The following KTN1 variants were observed in gnomAD, a reference collection of about 807,000 sequenced individuals.
KTN1 encodes the protein kinectin 1, also known as kinectin.
Under a neutral mutation model 222.5 loss-of-function variants are expected in KTN1, and 130 were observed. That is an observed-to-expected ratio of 0.58 (90% CI 0.51 to 0.68). The LOEUF is 0.68. KTN1 is among the 30% of genes least tolerant of loss of function. The pLI is 0.00. For missense variants in KTN1, 1,508 were observed against 1,500.4 expected (o/e 1.01, Z -0.08); for synonymous variants, 512 against 496.3 (o/e 1.03, Z -0.42).
intron 4 of KTN1, 111 bp downstream of exon 4, chr14:55,618,245 A>C: frequency 1.3e-6 from 1 of 792,906 alleles, no homozygotes. Context: ...AAAAGAATCA[A>C]ATCCTTGTGG....
At chr14:55,671,148 C>T (rs1425284316) in intron 35 of KTN1, among the ~76,000 whole-genome samples, 2 of 152,082 alleles carry the variant, frequency 1.3e-5, no homozygotes, top group African/African-American at 4.8e-5. Context: ...TGAAGCATCC[C>T]CAAATACGTC....
rs891544746 is a variant in KTN1 at position 55,671,861 on chromosome 14, A to G, written c.3515A>G (p.His1172Arg). Reference sequence around the variant, plus strand: ...TGGAAAGTTAAGGTCGATGAATCACACAAGACTATTAAACAGGTATTTACA... The same window carrying G: ...TGGAAAGTTAAGGTCGATGAATCACGCAAGACTATTAAACAGGTATTTACA... ...NKWKVKVDES[H>R]KTIKQMQSSF... The change falls in exon 37 of 44, where the codon CAC becomes CGC. Residue 1172 changes from histidine (H) to arginine (R), a missense_variant. Coordinates refer to ENST00000395314, the MANE Select transcript of KTN1 (RefSeq NM_001079521.2). 4 of 1,586,564 alleles carry G rather than the reference A, an allele frequency of 2.5e-6. No homozygotes were observed. The highest frequency in any genetic ancestry group is 3.5e-6 in the Non-Finnish European group (4 of 1,155,134).
chr14:55,636,988 A>G (rs2041204346), intron 10 of KTN1, among the ~76,000 whole-genome samples: 1 of 152,034 alleles, frequency 6.6e-6, no homozygotes, highest in Non-Finnish European at 1.5e-5. Flanking sequence ...TCTGGGAGAT[A>G]ATGGAGTACG....
Position 55,672,931 on chromosome 14 carries a change from G to A in KTN1, c.3606G>A (p.Leu1202=). 1.2e-6 allele frequency: 2 copies of A among 1,612,026 alleles called. No homozygotes were observed. The highest frequency in any genetic ancestry group is 2.2e-5 in the South Asian group (2 of 91,018). Residue 1202 remains leucine, a splice_region_variant and synonymous_variant, in exon 39 of 44, where the codon CTG becomes CTA. Transcript: ENST00000395314. ...LRSENKDIEN[L]RREREHLEME... ...CTTTTCCTTTGTTGCATTGCTAGCT[G>A]AGAAGAGAACGAGAACATTTGGAAA...
chr14:55,640,935 T>C lies in KTN1; in HGVS notation c.1986T>C (p.Ala662=). ...QKLQALANEQ[A]AAAHELEKMQ... is the part of the protein sequence containing the mutation. ...TTTTCTTCTCATTCCACACACAGGCTGCTGCTGCACATGAATTGGAGAAGA... is the reference window on the plus strand; with the variant it reads ...TTTTCTTCTCATTCCACACACAGGCCGCTGCTGCACATGAATTGGAGAAGA... The change falls in exon 16 of 44, where the codon GCT becomes GCC. Residue 662 remains alanine, a splice_region_variant and synonymous_variant. Coordinates refer to ENST00000395314, the MANE Select transcript of KTN1 (RefSeq NM_001079521.2). 18 of 1,611,528 alleles carry C rather than the reference T, an allele frequency of 1.1e-5. No homozygotes were observed. The highest frequency in any genetic ancestry group is 1.5e-5 in the Non-Finnish European group (18 of 1,178,134).
intron 1 of KTN1, among the ~76,000 whole-genome samples, chr14:55,594,881 G>A (rs1216345826): frequency 6.6e-6 from 1 of 152,232 alleles, no homozygotes; most frequent in African/African-American, 2.4e-5. Context: ...GTAGTTGGTA[G>A]AGTGTCACTT....
chr14:55,682,019 A>T (rs1407118031), intron 43 of KTN1: 3 of 152,188 alleles, frequency 2.0e-5, no homozygotes, highest in African/African-American at 7.2e-5. Flanking sequence ...AATATATCTA[A>T]TGTCAAGAAA....
At chr14:55,677,433 C>T (rs1375984218) in intron 41 of KTN1, among the ~76,000 whole-genome samples, 21 of 145,504 alleles carry the variant, frequency 1.4e-4, no homozygotes, top group African/African-American at 4.9e-4. Flanking sequence ...GCCGAGATTA[C>T]GCTACTGCAC....
At chr14:55,585,270 T>A (rs2032738424) in intron 1 of KTN1, among the ~76,000 whole-genome samples, 1 of 152,138 alleles carries the variant, frequency 6.6e-6, no homozygotes. Context: ...CATGGAGCCT[T>A]TGGGAGCTGC....
At chr14:55,635,244 T>C (rs966442717) in intron 9 of KTN1, among the ~76,000 whole-genome samples, 3 of 152,186 alleles carry the variant, frequency 2.0e-5, no homozygotes, top group African/African-American at 7.2e-5. Context: ...AAAGACCGTT[T>C]GAAGATATGG....
At position 55,672,941 on chromosome 14, in the gene KTN1, C is replaced by T. The variant is rs138427703; in HGVS notation, c.3616C>T (p.Arg1206Ter). Residue 1206 changes from arginine (R) to a stop codon, truncating the protein, a stop_gained, in exon 39 of 44, where the codon CGA (arginine) becomes TGA (stop). Coordinates refer to ENST00000395314, the MANE Select transcript of KTN1 (RefSeq NM_001079521.2). LOFTEE classifies it high-confidence loss of function. The stretch of plus-strand genomic sequence containing the variant: ...GTTGCATTGCTAGCTGAGAAGAGAA[C>T]GAGAACATTTGGAAATGGAACTAGA... ...NKDIENLRREREHLEMELEKA... is the reference protein window; with the variant it reads ...NKDIENLRRE The T allele has an allele frequency of 6.2e-6, 10 of 1,612,504 alleles. No homozygotes were observed. The African/African-American group carries it at 9.4e-5, about 15-fold the overall frequency.
intron 7 of KTN1, among the ~76,000 whole-genome samples, chr14:55,630,744 C>T (rs77741349): frequency 0.06 from 9,192 of 152,212 alleles, 384 homozygotes; most frequent in South Asian, 0.09. Flanking sequence ...ACGCAGCAGT[C>T]GCTGGAATTA....
At chr14:55,592,111 T>C (rs1427507488) in intron 1 of KTN1, among the ~76,000 whole-genome samples, 1 of 152,244 alleles carries the variant, frequency 6.6e-6, no homozygotes, top group Non-Finnish European at 1.5e-5. Flanking sequence ...AAAATTTTAA[T>C]GTAGTTGAAT....
chr14:55,638,712 A>G (rs1449274053), intron 12 of KTN1, among the ~76,000 whole-genome samples: 1 of 151,904 alleles, frequency 6.6e-6, no homozygotes. Context: ...TTTAGTTATC[A>G]GCTGAGAAGT....
intron 18 of KTN1, among the ~76,000 whole-genome samples, chr14:55,646,464 CCTTTCCTTTCCTTT>C (rs1566788169): frequency 0.017 from 403 of 23,386 alleles, 15 homozygotes; most frequent in African/African-American, 0.039. Flanking sequence ...TTTTCCTTTT[CCTTTCCTTTCCTTT>C]CCTTTCCTTT....
chr14:55,622,808 T>A (rs1017278649), intron 5 of KTN1, among the ~76,000 whole-genome samples: 37 of 152,350 alleles, frequency 2.4e-4, no homozygotes, highest in African/African-American at 8.7e-4. Flanking sequence ...GTTATATTAC[T>A]GCTTTAAAAA....
intron 13 of KTN1, 24 bp downstream of exon 13, chr14:55,639,246 T>TA (rs1272703327): frequency 1.9e-6 from 3 of 1,552,780 alleles, no homozygotes; most frequent in African/African-American, 1.4e-5. Flanking sequence ...TTCACACTCT[T>TA]ATAATTGTGT....
At chr14:55,600,181 G>A (rs980704938) in intron 1 of KTN1, among the ~76,000 whole-genome samples, 3 of 150,660 alleles carry the variant, frequency 2.0e-5, no homozygotes, top group Non-Finnish European at 4.4e-5. Flanking sequence ...GATCATTTTA[G>A]TACTTCCATT....
chr14:55,646,984 T>A lies in KTN1; in HGVS notation c.2184T>A (p.Asp728Glu), dbSNP rs765662007. Residue 728 changes from aspartate (D) to glutamate (E), a missense_variant, in exon 19 of 44, where the codon GAT becomes GAA. Coordinates refer to ENST00000395314, the MANE Select transcript of KTN1 (RefSeq NM_001079521.2). Reference sequence around the variant, plus strand: ...GATTTTTATTTTAGCCTAATAAGGATGTTGTGGAACAAATGGAAAAATGGT... The same window carrying A: ...GATTTTTATTTTAGCCTAATAAGGAAGTTGTGGAACAAATGGAAAAATGGT... ...QTLVSEQPNK[D>E]VVEQMEKCIQ... 1.3e-6 allele frequency: 2 copies of A among 1,535,962 alleles called. No homozygotes were observed. Among genetic ancestry groups the A allele is most frequent in the Non-Finnish European group, 1.8e-6 (2 of 1,111,868 alleles).
Sources: gnomAD v4.1 joint callset for allele counts (sites outside exome capture counted in the v4.1 genomes callset) on GRCh38, gnomAD v4.1.1 for gene constraint, MANE v1.5 for transcripts, NCBI Gene and HGNC (gene_info 2026-07-23, HGNC 2026-07-21) for gene names.